Variants in EFCAB6 observed in about 807,000 individuals in gnomAD.
EFCAB6 encodes the protein EF-hand calcium binding domain 6.
In EFCAB6, 156 loss-of-function variants were observed where a neutral mutation model predicts 169.8. That is an observed-to-expected ratio of 0.92 (90% CI 0.81 to 1.05). The LOEUF (loss-of-function observed/expected upper bound fraction) is 1.05. Among genes scored for constraint, EFCAB6 ranks in the 50% least tolerant of loss-of-function variants. EFCAB6 has a pLI of 0.00. For synonymous variants in EFCAB6, 698 were observed against 676.4 expected (o/e 1.03, Z -0.50); for missense variants, 1,800 against 1,829.1 (o/e 0.98, Z 0.29).
intron 7 of EFCAB6, among the ~76,000 whole-genome samples, chr22:43,733,997 G>A (rs896941220): frequency 6.6e-5 from 10 of 152,062 alleles, no homozygotes; most frequent in South Asian, 4.2e-4. Context: ...GTGATCCACC[G>A]CGCCCGGCCA....
intron 18 of EFCAB6, among the ~76,000 whole-genome samples, chr22:43,633,338 A>T (rs2055122290): frequency 6.6e-6 from 1 of 152,210 alleles, no homozygotes; most frequent in Non-Finnish European, 1.5e-5. Flanking sequence ...TCACAAGGTC[A>T]AGAGATCGAG....
At chr22:43,558,652 C>T (rs906333208) in intron 26 of EFCAB6, among the ~76,000 whole-genome samples, 3 of 152,116 alleles carry the variant, frequency 2.0e-5, no homozygotes, top group Non-Finnish European at 2.9e-5. Context: ...CAGCAACCAT[C>T]GACATTGAGG....
intron 24 of EFCAB6, among the ~76,000 whole-genome samples, chr22:43,587,613 C>T (rs975370258): frequency 2.6e-5 from 4 of 151,956 alleles, no homozygotes; most frequent in Admixed American, 2.0e-4. Context: ...CCCTCTGCCT[C>T]CCTCTTATAA....
At chr22:43,653,280 A>G (rs143450661) in intron 17 of EFCAB6, among the ~76,000 whole-genome samples, 2 of 152,336 alleles carry the variant, frequency 1.3e-5, no homozygotes, top group East Asian at 1.9e-4. Flanking sequence ...TCCTAGTACA[A>G]CTGCTGAAAT....
At chr22:43,730,581 C>A (rs906902468) in intron 8 of EFCAB6, among the ~76,000 whole-genome samples, 2 of 152,022 alleles carry the variant, frequency 1.3e-5, no homozygotes, top group Non-Finnish European at 2.9e-5. Context: ...TCTATATAAA[C>A]CCATTTTTAC....
At chr22:43,801,921 G>T (rs1005315407) in intron 2 of EFCAB6, among the ~76,000 whole-genome samples, 85 of 152,196 alleles carry the variant, frequency 5.6e-4, no homozygotes, top group Admixed American at 6.5e-4. Flanking sequence ...AGCATAGAGT[G>T]GCTGAATGGA....
rs146873591 is a variant in EFCAB6 at position 43,694,506 on chromosome 22, G to A, written c.1032-6925C>T. Among the ~76,000 whole-genome samples the A allele has an allele frequency of 4.2e-3, 636 of 152,056 alleles. 3 individuals carry two copies. The highest frequency in any genetic ancestry group is 0.014 in the Middle Eastern group (4 of 294). On this transcript the variant is annotated intron_variant, in intron 10 of 31. Transcript: ENST00000262726. ...TGAGACAAAGATTTTACAAGAAAAGGCAATGTTAGACAAACATCACTCATT... is the reference window on the plus strand; with the variant it reads ...TGAGACAAAGATTTTACAAGAAAAGACAATGTTAGACAAACATCACTCATT...
At chr22:43,676,273 C>T (rs5764205) in intron 13 of EFCAB6, among the ~76,000 whole-genome samples, 33,319 of 151,338 alleles carry the variant, frequency 0.22, 4,996 homozygotes, top group East Asian at 0.61. Context: ...AAAAATTAGC[C>T]GGGTGTGGTG....
At chr22:43,697,737 G>A (rs748556497) in intron 10 of EFCAB6, among the ~76,000 whole-genome samples, 12 of 152,088 alleles carry the variant, frequency 7.9e-5, no homozygotes, top group Admixed American at 6.6e-4. Context: ...TCTGGATTCC[G>A]ACATGGGGAA....
In EFCAB6 at chr22:43,534,748, C is replaced by G. The variant is rs1235204992; in HGVS notation, c.4173G>C (p.Leu1391=). The change falls in exon 30 of 32, where the codon CTG becomes CTC. Residue 1391 remains leucine, a synonymous_variant. Coordinates refer to ENST00000262726, the MANE Select transcript of EFCAB6 (RefSeq NM_022785.4). The part of the protein sequence containing the change: ...YCDFIQSCVL[L]LKAKESSLMH... ...TCAGTGAGCTTTCCTTTGCTTTTAG[C>G]AGGAGGACACAGCTCTGAATGAAGT... The G allele has an allele frequency of 9.3e-6, 15 of 1,613,576 alleles. No homozygotes were observed. The highest frequency in any genetic ancestry group is 1.3e-5 in the Non-Finnish European group (15 of 1,179,890).
At chr22:43,784,712 CACACACAT>C (rs1338166718) in intron 2 of EFCAB6, among the ~76,000 whole-genome samples, 59 of 131,696 alleles carry the variant, frequency 4.5e-4, no homozygotes, top group Middle Eastern at 8.6e-3. Context: ...CACACACACA[CACACACAT>C]ATATATATAT....
At chr22:43,797,278 C>T (rs990364856) in intron 2 of EFCAB6, 2 of 152,566 alleles carry the variant, frequency 1.3e-5, no homozygotes, top group African/African-American at 2.4e-5. Flanking sequence ...GGTGCTGCTG[C>T]CTTTGGGAGC....
At chr22:43,763,301 A>C (rs1292453866) in intron 5 of EFCAB6, among the ~76,000 whole-genome samples, 1 of 151,692 alleles carries the variant, frequency 6.6e-6, no homozygotes, top group African/African-American at 2.4e-5. Flanking sequence ...GGCCTCCCAA[A>C]GTGCTGGGAT....
At chr22:43,625,187 A>G (rs1179792437) in intron 20 of EFCAB6, among the ~76,000 whole-genome samples, 1 of 152,108 alleles carries the variant, frequency 6.6e-6, no homozygotes, top group African/African-American at 2.4e-5. Context: ...AAGTGTCACA[A>G]CAGTCTGGCA....
intron 19 of EFCAB6, among the ~76,000 whole-genome samples, chr22:43,630,842 C>T (rs2054886886): frequency 6.6e-6 from 1 of 152,180 alleles, no homozygotes; most frequent in Non-Finnish European, 1.5e-5. Context: ...GCCACTTAGC[C>T]TGGATGAGAT....
chr22:43,704,375 C>A (rs1429479793), intron 10 of EFCAB6, among the ~76,000 whole-genome samples: 1 of 152,106 alleles, frequency 6.6e-6, no homozygotes. Context: ...AAAGAGAGTT[C>A]TTTAAGTTGA....
At chr22:43,801,388 A>T (rs367998805) in intron 2 of EFCAB6, among the ~76,000 whole-genome samples, 7 of 152,360 alleles carry the variant, frequency 4.6e-5, no homozygotes, top group Admixed American at 6.5e-5. Context: ...AACAAAAGAT[A>T]TAAAACATGC....
chr22:43,534,878 G>A lies in EFCAB6; in HGVS notation c.4049-6C>T. 4 of 1,589,922 alleles carry A rather than the reference G, an allele frequency of 2.5e-6. No individual in the cohort carries two copies. Among genetic ancestry groups the A allele is most frequent in the Admixed American group, 1.8e-5 (1 of 54,700 alleles). On this transcript the variant is annotated splice_region_variant and splice_polypyrimidine_tract_variant and intron_variant, in intron 29 of 31. Coordinates refer to ENST00000262726, the MANE Select transcript of EFCAB6 (RefSeq NM_022785.4). The stretch of plus-strand genomic sequence containing the variant: ...GTTGAATTTCTCCACAAGAGCTACA[G>A]AAAAAAATGGCAGTTCAATTGGTGG...
chr22:43,728,483 C>T (rs1399699332), intron 8 of EFCAB6, among the ~76,000 whole-genome samples: 2 of 152,158 alleles, frequency 1.3e-5, no homozygotes, highest in African/African-American at 4.8e-5. Context: ...TGAGAAATTG[C>T]CACACTGTCT....
Sources: gnomAD v4.1 joint callset for allele counts (sites outside exome capture counted in the v4.1 genomes callset) on GRCh38, gnomAD v4.1.1 for gene constraint, MANE v1.5 for transcripts, NCBI Gene and HGNC (gene_info 2026-07-23, HGNC 2026-07-21) for gene names.